ACSS3: variants seen among roughly 807,000 people sequenced by gnomAD.
The protein encoded by ACSS3 is acyl-CoA synthetase short-chain family member 3, mitochondrial.
A neutral mutation model predicts 84.2 loss-of-function variants in ACSS3; 64 were observed. The ratio of observed to expected loss-of-function variants is 0.76; its 90% CI spans 0.62 to 0.94. The LOEUF is 0.94. Ranked by LOEUF, ACSS3 falls within the 40% of genes least tolerant of loss-of-function variation. The probability of loss-of-function intolerance (pLI) is 0.00; values close to 1 mark genes in which losing one functional copy is unlikely to be tolerated. For synonymous variants in ACSS3, 317 were observed against 310.1 expected (o/e 1.02, Z -0.23); for missense variants, 815 against 867.6 (o/e 0.94, Z 0.76).
intron 1 of ACSS3, among the ~76,000 whole-genome samples, chr12:81,084,904 A>G (rs1881216742): frequency 6.6e-6 from 1 of 152,248 alleles, no homozygotes; most frequent in Admixed American, 6.5e-5. Context: ...CCAGAATAGC[A>G]CATTACAGAG....
At chr12:81,118,945 C>A (rs1463194119) in intron 2 of ACSS3, among the ~76,000 whole-genome samples, 1 of 152,132 alleles carries the variant, frequency 6.6e-6, no homozygotes, top group African/African-American at 2.4e-5. Flanking sequence ...GGAGAAAGGA[C>A]CAACCTGGCC....
intron 7 of ACSS3, among the ~76,000 whole-genome samples, chr12:81,167,387 G>A (rs774295425): frequency 2.0e-5 from 3 of 152,116 alleles, no homozygotes; most frequent in African/African-American, 4.8e-5. Context: ...GTTTTATGCT[G>A]CTATAACAAT....
At chr12:81,242,993 T>G (rs1469161234) in intron 13 of ACSS3, among the ~76,000 whole-genome samples, 1 of 152,076 alleles carries the variant, frequency 6.6e-6, no homozygotes, top group African/African-American at 2.4e-5. Flanking sequence ...AACATAGTGT[T>G]GGAAGTTCTG....
intron 7 of ACSS3, among the ~76,000 whole-genome samples, chr12:81,162,081 C>T (rs1448625099): frequency 1.3e-5 from 2 of 152,206 alleles, no homozygotes; most frequent in Non-Finnish European, 2.9e-5. Context: ...GGCCGTGTTT[C>T]AGCCCTGTTT....
intron 13 of ACSS3, among the ~76,000 whole-genome samples, chr12:81,240,518 G>T (rs1225486242): frequency 6.6e-6 from 1 of 151,652 alleles, no homozygotes; most frequent in African/African-American, 2.4e-5. Flanking sequence ...CTTTTAATTG[G>T]TATATTTAGA....
At chr12:81,226,705 C>T (rs1456871290) in intron 11 of ACSS3, among the ~76,000 whole-genome samples, 1 of 151,816 alleles carries the variant, frequency 6.6e-6, no homozygotes, top group Non-Finnish European at 1.5e-5. Context: ...CTTTCTGTTT[C>T]CATCTAGAAT....
intron 5 of ACSS3, among the ~76,000 whole-genome samples, chr12:81,149,702 C>T (rs1051893567): frequency 4.6e-5 from 7 of 152,058 alleles, no homozygotes; most frequent in African/African-American, 7.2e-5. Context: ...ACAGAAATTA[C>T]GGCTCTTCTC....
intron 8 of ACSS3, among the ~76,000 whole-genome samples, chr12:81,190,229 A>G (rs185188340): frequency 1.2e-4 from 19 of 152,236 alleles, no homozygotes; most frequent in African/African-American, 4.3e-4. Flanking sequence ...GAGACTTTAC[A>G]TTGAGTTTAC....
intron 13 of ACSS3, among the ~76,000 whole-genome samples, chr12:81,251,061 T>A (rs777466075): frequency 2.6e-5 from 4 of 152,198 alleles, no homozygotes; most frequent in Non-Finnish European, 5.9e-5. Context: ...CTTTATTTAT[T>A]TTCCACGATG....
intron 7 of ACSS3, among the ~76,000 whole-genome samples, chr12:81,164,155 C>A (rs915572264): frequency 2.0e-5 from 3 of 152,134 alleles, no homozygotes; most frequent in Non-Finnish European, 4.4e-5. Flanking sequence ...CATTTTTTAT[C>A]TTTTATACCA....
chr12:81,214,390 A>T (rs1341945824), intron 9 of ACSS3, among the ~76,000 whole-genome samples: 15 of 152,204 alleles, frequency 9.9e-5, no homozygotes, highest in Admixed American at 9.2e-4. Context: ...AGACACTTGA[A>T]TTACTAATGT....
At chr12:81,130,147 G>A (rs1485456058) in intron 2 of ACSS3, among the ~76,000 whole-genome samples, 4 of 152,176 alleles carry the variant, frequency 2.6e-5, no homozygotes, top group Non-Finnish European at 4.4e-5. Context: ...ACCCAGTAAT[G>A]GGATTGCTGA....
intron 8 of ACSS3, among the ~76,000 whole-genome samples, chr12:81,181,555 A>C (rs993009168): frequency 6.6e-6 from 1 of 152,174 alleles, no homozygotes; most frequent in African/African-American, 2.4e-5. Flanking sequence ...ATTTACAGAA[A>C]TTTATGAAGT....
chr12:81,079,725 A>G (rs569206308), intron 1 of ACSS3, among the ~76,000 whole-genome samples: 2 of 152,342 alleles, frequency 1.3e-5, no homozygotes, highest in East Asian at 3.9e-4. Context: ...GATTAAAAGC[A>G]TGGACTCTGG....
At chr12:81,227,770 A>G (rs1385378342) in intron 11 of ACSS3, among the ~76,000 whole-genome samples, 1 of 151,816 alleles carries the variant, frequency 6.6e-6, no homozygotes, top group African/African-American at 2.4e-5. Context: ...CATATTGCAT[A>G]TATTGAATTC....
rs532280743 is a variant in ACSS3 at position 81,225,354 on chromosome 12, C to G, written c.1514+5278C>G. Among the ~76,000 whole-genome samples, 26 of 152,044 alleles carry G rather than the reference C, an allele frequency of 1.7e-4. 1 individual carries two copies. The South Asian group carries it at 5.2e-3, about 30-fold the overall frequency. ...GATACCACATCTTGTTAGTGAGGAA[C>G]AGAAAGCATGCACTTATTTTATCCT... On this transcript the variant is annotated intron_variant, in intron 11 of 15. Coordinates refer to ENST00000548058, the MANE Select transcript of ACSS3 (RefSeq NM_024560.4).
chr12:81,168,747 A>T (rs556687047), intron 7 of ACSS3, among the ~76,000 whole-genome samples: 1 of 152,308 alleles, frequency 6.6e-6, no homozygotes, highest in East Asian at 1.9e-4. Flanking sequence ...TTTCCCCTGT[A>T]TATGGTCATA....
chr12:81,209,388 T>TAAA (rs5799519), intron 9 of ACSS3, among the ~76,000 whole-genome samples: 23 of 145,860 alleles, frequency 1.6e-4, no homozygotes, highest in African/African-American at 5.9e-4. Flanking sequence ...TATTGCTATG[T>TAAA]AAAAAAAAAA....
chr12:81,094,147 AT>A (rs71098116), intron 1 of ACSS3, among the ~76,000 whole-genome samples: 21,109 of 142,980 alleles, frequency 0.15, 1,691 homozygotes, highest in African/African-American at 0.23. Flanking sequence ...CCAAGGATAT[AT>A]TTTTTTTTCC....
Sources: allele counts gnomAD v4.1 joint callset (sites outside exome capture counted in the v4.1 genomes callset), GRCh38; gene constraint gnomAD v4.1.1; transcripts MANE v1.5; gene names NCBI Gene and HGNC (gene_info 2026-07-23, HGNC 2026-07-21).